The following PRKAR1B variants were observed in gnomAD, a reference collection of about 807,000 sequenced individuals.
The protein encoded by PRKAR1B is protein kinase cAMP-dependent type I regulatory subunit beta.
PRKAR1B carries 22 observed loss-of-function variants against 46.5 expected under a neutral mutation model. That is an observed-to-expected ratio of 0.47 (90% CI 0.34 to 0.68). The LOEUF (loss-of-function observed/expected upper bound fraction) is 0.68, where lower values mean the gene tolerates loss of function less well. Among genes scored for constraint, PRKAR1B ranks in the 30% least tolerant of loss-of-function variants. PRKAR1B has a pLI of 0.01. For missense variants in PRKAR1B, 445 were observed against 535.6 expected (o/e 0.83, Z 1.67); for synonymous variants, 259 against 217.7 (o/e 1.19, Z -1.67).
At chr7:679,448 G>A (rs1778532385) in intron 3 of PRKAR1B, among the ~76,000 whole-genome samples, 1 of 152,256 alleles carries the variant, frequency 6.6e-6, no homozygotes, top group Non-Finnish European at 1.5e-5. Flanking sequence ...CTCGTGGTTA[G>A]ACTGAAGTTC....
At chr7:636,420 ACACGTCCTCCACCGGCCGCGCCCT>A (rs1416820638) in intron 4 of PRKAR1B, among the ~76,000 whole-genome samples, 11,795 of 49,400 alleles carry the variant, frequency 0.24, 1,589 homozygotes, top group Admixed American at 0.27. Context: ...GGCCGCGCCC[ACACGTCCTCCACCGGCCGCGCCCT>A]CACGTCCTCC....
chr7:715,188 A>G (rs1780830657), intron 1 of PRKAR1B, among the ~76,000 whole-genome samples: 1 of 152,132 alleles, frequency 6.6e-6, no homozygotes, highest in South Asian at 2.1e-4. Flanking sequence ...GAAATAAATA[A>G]ATAATAAATA....
At chr7:697,335 A>G (rs1291924027) in intron 2 of PRKAR1B, among the ~76,000 whole-genome samples, 1 of 152,162 alleles carries the variant, frequency 6.6e-6, no homozygotes, top group Non-Finnish European at 1.5e-5. Flanking sequence ...CAGGGATTAC[A>G]GGCAGATGGA....
Position 602,137 on chromosome 7 carries a change from C to A in PRKAR1B, c.549+4056G>T, listed in dbSNP as rs931999508. Among the ~76,000 whole-genome samples the A allele has an allele frequency of 1.3e-5, 2 of 152,258 alleles. No homozygotes were observed. Among genetic ancestry groups the A allele is most frequent in the South Asian group, 2.1e-4 (1 of 4,812 alleles). ...CCTCCACTCAGGCTTCAGCCCCGAC[C>A]CCACGCTAACTGGGCCAGGGCAGGG... On this transcript the variant is annotated intron_variant, in intron 6 of 10. Coordinates refer to ENST00000537384, the MANE Select transcript of PRKAR1B (RefSeq NM_001164760.2). This position sits in a 1 kb window ranked among gnomAD's most constrained non-coding sequence, Gnocchi z 6.4.
chr7:606,588 G>A (rs1782072438), intron 5 of PRKAR1B, among the ~76,000 whole-genome samples: 1 of 152,012 alleles, frequency 6.6e-6, no homozygotes, highest in Admixed American at 6.5e-5. Flanking sequence ...TGGGATTACA[G>A]GCACCTGCCA....
intron 7 of PRKAR1B, among the ~76,000 whole-genome samples, chr7:584,948 AAC>A (rs1003692690): frequency 1.3e-5 from 2 of 152,146 alleles, no homozygotes; most frequent in African/African-American, 2.4e-5. Flanking sequence ...AACTGAGGCC[AAC>A]ACAGAGACTC....
At chr7:589,348 G>A (rs1780846927) in intron 7 of PRKAR1B, among the ~76,000 whole-genome samples, 1 of 151,902 alleles carries the variant, frequency 6.6e-6, no homozygotes, top group South Asian at 2.1e-4. Context: ...GGGTATGTCA[G>A]GTGCCTGAGC....
chr7:620,527 C>T (rs1783056970), intron 4 of PRKAR1B, among the ~76,000 whole-genome samples: 1 of 152,296 alleles, frequency 6.6e-6, no homozygotes, highest in African/African-American at 2.4e-5. Flanking sequence ...TCTGTTGAGA[C>T]AGATTTAATA....
At chr7:554,730 G>C (rs1452368372) in intron 9 of PRKAR1B, among the ~76,000 whole-genome samples, 2 of 150,740 alleles carry the variant, frequency 1.3e-5, no homozygotes, top group African/African-American at 4.9e-5. Flanking sequence ...AGAGCCGGAA[G>C]ACAGGGGAGG....
intron 4 of PRKAR1B, among the ~76,000 whole-genome samples, chr7:613,314 A>C (rs1212851456): frequency 6.6e-6 from 1 of 151,398 alleles, no homozygotes; most frequent in Non-Finnish European, 1.5e-5. Context: ...AATCTGTGTA[A>C]TTTTAAAAAT....
chr7:623,876 T>A (rs1316226969), intron 4 of PRKAR1B, among the ~76,000 whole-genome samples: 2 of 151,956 alleles, frequency 1.3e-5, no homozygotes, highest in African/African-American at 4.8e-5. Context: ...ACCTATGGAG[T>A]CCCAGAAGGG....
chr7:565,498 C>T (rs997096081), intron 9 of PRKAR1B: 70 of 152,280 alleles, frequency 4.6e-4, no homozygotes, highest in African/African-American at 1.6e-3. Context: ...CACTGCCCAT[C>T]TTCCCAGGGA....
chr7:597,319 G>T (rs1198592088), intron 6 of PRKAR1B, among the ~76,000 whole-genome samples: 1 of 152,216 alleles, frequency 6.6e-6, no homozygotes, highest in Non-Finnish European at 1.5e-5. Context: ...CCACGCAGGT[G>T]TAACTCCACA....
At chr7:719,929 G>A (rs1277247358) in intron 1 of PRKAR1B, among the ~76,000 whole-genome samples, 4 of 152,116 alleles carry the variant, frequency 2.6e-5, no homozygotes, top group East Asian at 1.9e-4. Flanking sequence ...TCCAAGTTGC[G>A]TGCAGCAATT....
chr7:613,087 A>T (rs1433627157), intron 4 of PRKAR1B, among the ~76,000 whole-genome samples: 1 of 152,302 alleles, frequency 6.6e-6, no homozygotes, highest in East Asian at 1.9e-4. Context: ...CAGTGTTGCC[A>T]GTGAAAATAG....
intron 7 of PRKAR1B, among the ~76,000 whole-genome samples, chr7:586,868 G>A (rs923352741): frequency 2.0e-5 from 3 of 150,900 alleles, no homozygotes; most frequent in African/African-American, 7.3e-5. Context: ...GGTGAAGGAG[G>A]GTCATTTATC....
rs1554303084 is a variant in PRKAR1B at position 685,270 on chromosome 7, G to GTATA, written c.178-4548_178-4545dup. On this transcript the variant is annotated intron_variant, in intron 2 of 10. Transcript: ENST00000537384. ...ACACGTTTTATATATACATATATAC[G>GTATA]TATATATACGTATATATATGTATAC... 3.1e-3 allele frequency among the ~76,000 whole-genome samples: 76 copies of GTATA among 24,852 alleles called. 8 individuals are homozygous for GTATA. The highest frequency in any genetic ancestry group is 8.8e-3 in the South Asian group (4 of 454). 16.3% of individuals were successfully genotyped at this position (24,852 alleles called of 152,430 possible).
At chr7:590,483 C>T (rs982997678) in intron 7 of PRKAR1B, among the ~76,000 whole-genome samples, 1 of 152,186 alleles carries the variant, frequency 6.6e-6, no homozygotes, top group Non-Finnish European at 1.5e-5. Flanking sequence ...GGCGGGGCCC[C>T]GAGAGATGGG....
At chr7:654,091 C>T (rs868793227) in intron 4 of PRKAR1B, among the ~76,000 whole-genome samples, 1 of 150,690 alleles carries the variant, frequency 6.6e-6, no homozygotes, top group South Asian at 2.1e-4. Context: ...ATCTTCATCA[C>T]GATCCTCACC....
Sources: gnomAD v4.1 joint callset for allele counts (sites outside exome capture counted in the v4.1 genomes callset) on GRCh38, gnomAD v4.1.1 for gene constraint, Gnocchi (gnomAD v3.1) non-coding constraint, MANE v1.5 for transcripts, NCBI Gene and HGNC (gene_info 2026-07-23, HGNC 2026-07-21) for gene names.